HMCN2: variants seen among roughly 807,000 people sequenced by gnomAD.
HMCN2 encodes hemicentin-2.
In HMCN2, 325 loss-of-function variants were observed where a neutral mutation model predicts 377.5. The ratio of observed to expected loss-of-function variants is 0.86; its 90% CI spans 0.79 to 0.94. The LOEUF (loss-of-function observed/expected upper bound fraction) is 0.94, where lower values mean the gene tolerates loss of function less well. Ranked by LOEUF, HMCN2 falls within the 40% of genes least tolerant of loss-of-function variation. HMCN2 has a pLI of 0.00. For synonymous variants in HMCN2, 2,007 were observed against 2,046.8 expected (o/e 0.98, Z 0.53); for missense variants, 4,543 against 4,725.3 (o/e 0.96, Z 1.13).
chr9:130,404,945 G>T lies in HMCN2; in HGVS notation c.12225G>T (p.Ala4075=). Reference sequence around the variant, plus strand: ...CCCACGCCTTCTTGCCTTGCAAGGCGAGGGGCAGTCCTGAGCCCAACATCA... The same window carrying T: ...CCCACGCCTTCTTGCCTTGCAAGGCTAGGGGCAGTCCTGAGCCCAACATCA... ...EGSHAFLPCK[A]RGSPEPNITW... is the part of the protein sequence containing the mutation. Residue 4075 remains alanine (A), a synonymous_variant, in exon 81 of 98, where the codon GCG becomes GCT. Transcript: ENST00000683500. 1.6e-6 allele frequency: 2 copies of T among 1,289,088 alleles called. No homozygotes were observed. Among genetic ancestry groups the T allele is most frequent in the South Asian group, 1.2e-5 (1 of 80,760 alleles). 79.9% of individuals were successfully genotyped at this position (1,289,088 alleles called of 1,614,324 possible).
rs1842938165 is a variant in HMCN2 at position 130,403,267 on chromosome 9, G to T, written c.11952G>T (p.Glu3984Asp). The T allele has an allele frequency of 1.6e-6, 2 of 1,289,850 alleles. No homozygotes were observed. The highest frequency in any genetic ancestry group is 3.0e-5 in the African/African-American group (2 of 65,988). 79.9% of individuals were successfully genotyped at this position (1,289,850 alleles called of 1,614,324 possible). Residue 3984 changes from glutamate (E) to aspartate (D), a missense_variant, in exon 79 of 98, where the codon GAG becomes GAT. Coordinates refer to ENST00000683500, the MANE Select transcript of HMCN2 (RefSeq NM_001291815.2). ...VAEEEVLLPC[E>D]ASGIPRPTIT... ...AGGAGGAGGTGCTGCTGCCCTGCGA[G>T]GCCTCAGGCATCCCCCGGCCGACCA...
chr9:130,416,904 T>A (rs1461760289), intron 85 of HMCN2, among the ~76,000 whole-genome samples: 1 of 151,380 alleles, frequency 6.6e-6, no homozygotes, highest in Non-Finnish European at 1.5e-5. Context: ...CTATCACAAG[T>A]GTTTTATTTA....
At chr9:130,372,602 C>T (rs1360846207) in intron 47 of HMCN2, among the ~76,000 whole-genome samples, 195 bp downstream of exon 47, 1 of 152,172 alleles carries the variant, frequency 6.6e-6, no homozygotes, top group Non-Finnish European at 1.5e-5. Flanking sequence ...TGGTGAAACC[C>T]TGTCTCTATT....
chr9:130,287,551 TAAAAAAAAAA>T lies in HMCN2; in HGVS notation c.612+1259_612+1268del, dbSNP rs142931668. On this transcript the variant is annotated intron_variant, in intron 4 of 97. Coordinates refer to ENST00000683500, the MANE Select transcript of HMCN2 (RefSeq NM_001291815.2). ...GGGCAACAAGAGTGAAACTCTGTCT[TAAAAAAAAAA>T]AAAAAAAAAAAAAAAAAGATTAGGT... Among the ~76,000 whole-genome samples, 218 of 93,286 alleles carry T rather than the reference TAAAAAAAAAA, an allele frequency of 2.3e-3. 1 individual carries two copies. Among genetic ancestry groups the T allele is most frequent in the Middle Eastern group, 0.013 (2 of 158 alleles). 61.2% of individuals were successfully genotyped at this position (93,286 alleles called of 152,430 possible). A position where few individuals can be genotyped will look rare whatever the true frequency, so the allele number is the denominator to read the frequency against.
At chr9:130,277,838 T>TCACCACCAC (rs1834815390) in intron 1 of HMCN2, among the ~76,000 whole-genome samples, 1 of 27,122 alleles carries the variant, frequency 3.7e-5, no homozygotes, top group Non-Finnish European at 7.1e-5. Flanking sequence ...ACCACCATCA[T>TCACCACCAC]CATCATCACC....
chr9:130,333,789 C>T (rs1838563361), intron 22 of HMCN2, among the ~76,000 whole-genome samples: 2 of 152,196 alleles, frequency 1.3e-5, no homozygotes, highest in Non-Finnish European at 2.9e-5. Flanking sequence ...AGGCTGCCCT[C>T]GAAACCCCAG....
At position 130,422,548 on chromosome 9, in the gene HMCN2, G is replaced by A. The variant is rs1844079507; in HGVS notation, c.13232-29G>A. 7.6e-7 allele frequency: 1 copy of A among 1,308,526 alleles called. No individual in the cohort carries two copies. 81.1% of individuals were successfully genotyped at this position (1,308,526 alleles called of 1,614,324 possible). A position where few individuals can be genotyped will look rare whatever the true frequency, so the allele number is the denominator to read the frequency against. ...GTGGGCCCCGGGGTGGATAGTCAGT[G>A]GCACTGTCATTCTTTCCCTTCCTTA... On this transcript the variant is annotated intron_variant, in intron 86 of 97. Coordinates refer to ENST00000683500, the MANE Select transcript of HMCN2 (RefSeq NM_001291815.2). This position sits in a 1 kb window ranked among gnomAD's most constrained non-coding sequence, Gnocchi z 4.2.
intron 1 of HMCN2, among the ~76,000 whole-genome samples, chr9:130,280,088 GA>G (rs1262970198): frequency 1.3e-5 from 2 of 152,012 alleles, no homozygotes; most frequent in African/African-American, 4.8e-5. Flanking sequence ...CCCCCAGGAG[GA>G]ATGCAGCCCT....
chr9:130,281,968 C>T (rs550097970), intron 1 of HMCN2, among the ~76,000 whole-genome samples: 3 of 151,796 alleles, frequency 2.0e-5, no homozygotes, highest in South Asian at 4.2e-4. Flanking sequence ...GGAAGCATCT[C>T]AGGACATAGC....
chr9:130,371,225 C>CT, intron 46 of HMCN2, 94 bp downstream of exon 46: 3 of 696,460 alleles, frequency 4.3e-6, no homozygotes, highest in Non-Finnish European at 5.3e-6. Flanking sequence ...TGACTCTGAG[C>CT]TGCCAGGCCT....
chr9:130,301,260 C>A (rs184818360), intron 8 of HMCN2, among the ~76,000 whole-genome samples: 1 of 152,220 alleles, frequency 6.6e-6, no homozygotes, highest in Non-Finnish European at 1.5e-5. Flanking sequence ...GCCTTTGCAG[C>A]CTTGAGGAGG....
chr9:130,317,433 T>A (rs1837615920), intron 15 of HMCN2, among the ~76,000 whole-genome samples: 1 of 151,336 alleles, frequency 6.6e-6, no homozygotes, highest in African/African-American at 2.4e-5. Flanking sequence ...ATTGTGCCAC[T>A]GTGCTCCAGC....
At position 130,408,787 on chromosome 9, in the gene HMCN2, C is replaced by T; in HGVS notation, c.12733C>T (p.Pro4245Ser). 1 of 1,289,642 alleles carries T rather than the reference C, an allele frequency of 7.8e-7. No homozygotes were observed. The highest frequency in any genetic ancestry group is 1.0e-6 in the Non-Finnish European group (1 of 988,768). The allele number at this position is 1,289,642 out of a possible 1,614,324, so 79.9% of individuals were successfully genotyped here. The change falls in exon 84 of 98, where the codon CCT (proline) becomes TCT (serine). Residue 4245 changes from proline (P) to serine (S), a missense_variant. Around this residue, in one of 5 missense-constraint regions of HMCN2, gnomAD observed 1,073 missense variants for 1,319.5 expected, o/e 0.81. Transcript: ENST00000683500. ...QGEAFSYLVE[P>S]VGGSIQLDCV... is the part of the protein sequence containing the mutation. ...GGAGGCTTTCTCCTACCTGGTGGAA[C>T]CTGTAGGAGGCAGCATTCAGCTAGA...
chr9:130,400,737 G>A (rs1374405977), intron 76 of HMCN2, 46 bp from the exon 77 acceptor site: 1 of 1,249,090 alleles, frequency 8.0e-7, no homozygotes, highest in Non-Finnish European at 1.0e-6. Context: ...GGCCGTGAGT[G>A]CCCTGTGCCC....
Position 130,368,295 on chromosome 9 carries a change from G to C in HMCN2, c.6645G>C (p.Glu2215Asp), listed in dbSNP as rs994023532. The C allele has an allele frequency of 1.0e-6, 1 of 985,784 alleles. No individual in the cohort carries two copies. The highest frequency in any genetic ancestry group is 1.2e-6 in the Non-Finnish European group (1 of 829,924). 61.1% of individuals were successfully genotyped at this position (985,784 alleles called of 1,614,324 possible). A position where few individuals can be genotyped will look rare whatever the true frequency, so the allele number is the denominator to read the frequency against. Reference sequence around the variant, plus strand: ...ACCCAGGTCAACCCCTCCCCGGGGAGGGGGCTGGCCTCCAGCACGTGTCGG... The same window carrying C: ...ACCCAGGTCAACCCCTCCCCGGGGACGGGGCTGGCCTCCAGCACGTGTCGG... ...WRKDGQPLPG[E>D]GAGLQHVSAV... The change falls in exon 44 of 98, where the codon GAG becomes GAC. Residue 2215 changes from glutamate to aspartate, a missense_variant. Around this residue, in one of 5 missense-constraint regions of HMCN2, gnomAD observed 1,032 missense variants for 1,285.1 expected, o/e 0.80. Coordinates refer to ENST00000683500, the MANE Select transcript of HMCN2 (RefSeq NM_001291815.2).
chr9:130,274,705 G>A (rs750326473), intron 1 of HMCN2, among the ~76,000 whole-genome samples: 3 of 152,172 alleles, frequency 2.0e-5, no homozygotes, highest in South Asian at 2.1e-4. Flanking sequence ...ACATTCACTC[G>A]TGTTAAACAT....
chr9:130,330,922 G>A (rs1015134121), intron 22 of HMCN2, among the ~76,000 whole-genome samples: 2 of 151,192 alleles, frequency 1.3e-5, no homozygotes, highest in African/African-American at 2.4e-5. Flanking sequence ...GAGGTCAGGA[G>A]ATCAAGATCA....
chr9:130,266,636 C>T (rs1252341062), intron 1 of HMCN2, among the ~76,000 whole-genome samples: 1 of 152,252 alleles, frequency 6.6e-6, no homozygotes, highest in Non-Finnish European at 1.5e-5. Context: ...CCACCACGGA[C>T]CCTGCAGTGG....
intron 77 of HMCN2, among the ~76,000 whole-genome samples, chr9:130,401,464 C>T (rs529076480): frequency 1.3e-5 from 2 of 152,144 alleles, no homozygotes; most frequent in African/African-American, 4.8e-5. Context: ...GCTGAGATTA[C>T]AGGCACCTGC....
Sources: allele counts gnomAD v4.1 joint callset (sites outside exome capture counted in the v4.1 genomes callset), GRCh38; gene constraint gnomAD v4.1.1; regional missense constraint gnomAD v4.1.1; non-coding constraint Gnocchi (gnomAD v3.1); transcripts MANE v1.5; gene names NCBI Gene and HGNC (gene_info 2026-07-23, HGNC 2026-07-21).